MBOAT2: variants seen among roughly 807,000 people sequenced by gnomAD.
MBOAT2 encodes membrane-bound glycerophospholipid O-acyltransferase 2.
MBOAT2 carries 28 observed loss-of-function variants against 63.4 expected under a neutral mutation model. That is an observed-to-expected ratio of 0.44 (90% CI 0.33 to 0.61). MBOAT2 has a LOEUF of 0.61. Ranked by LOEUF, MBOAT2 falls within the 20% of genes least tolerant of loss-of-function variation. The pLI, the probability that MBOAT2 is intolerant of heterozygous loss-of-function variation, is 0.03. For missense variants in MBOAT2, 470 were observed against 605.8 expected, an observed-to-expected ratio of 0.78 and a Z score of 2.35; for synonymous variants, 211 against 215.6, an observed-to-expected ratio of 0.98 and a Z score of 0.19.
intron 1 of MBOAT2, among the ~76,000 whole-genome samples, chr2:8,993,576 A>C (rs1045651242): frequency 6.6e-6 from 1 of 152,140 alleles, no homozygotes; most frequent in Non-Finnish European, 1.5e-5. Flanking sequence ...GGAAAAGTGC[A>C]CAGTTCCCAG....
intron 2 of MBOAT2, among the ~76,000 whole-genome samples, chr2:8,953,812 C>G (rs575025640): frequency 2.9e-4 from 44 of 152,310 alleles, no homozygotes; most frequent in Non-Finnish European, 4.7e-4. Flanking sequence ...TTTATCTCTT[C>G]CTTCATTTCC....
intron 10 of MBOAT2, 25 bp downstream of exon 10, chr2:8,864,144 TA>T (rs752388403): frequency 6.6e-6 from 10 of 1,524,514 alleles, no homozygotes; most frequent in Non-Finnish European, 8.8e-6. Context: ...AAAGCACATC[TA>T]AAGATCGTTT....
chr2:8,913,655 C>T (rs778754749), intron 3 of MBOAT2, among the ~76,000 whole-genome samples: 1 of 152,018 alleles, frequency 6.6e-6, no homozygotes, highest in African/African-American at 2.4e-5. Context: ...CAAGAATGGT[C>T]ATAATTAAAA....
chr2:8,881,616 G>C (rs10181473), intron 6 of MBOAT2, among the ~76,000 whole-genome samples: 10,287 of 152,106 alleles, frequency 0.068, 377 homozygotes, highest in Middle Eastern at 0.096. Flanking sequence ...CTACTGGGAT[G>C]GCACAAGGGC....
intron 1 of MBOAT2, among the ~76,000 whole-genome samples, chr2:8,965,929 C>T (rs1222634344): frequency 6.6e-6 from 1 of 152,140 alleles, no homozygotes; most frequent in Non-Finnish European, 1.5e-5. Context: ...AAAGTGATTA[C>T]AATCTTCAAC....
chr2:8,859,644 T>A (rs1661351006), intron 12 of MBOAT2, among the ~76,000 whole-genome samples: 1 of 152,180 alleles, frequency 6.6e-6, no homozygotes, highest in Non-Finnish European at 1.5e-5. Flanking sequence ...TTCAATAATT[T>A]TTTTACGACT....
At chr2:8,880,380 G>A (rs1315274864) in intron 6 of MBOAT2, among the ~76,000 whole-genome samples, 1 of 152,218 alleles carries the variant, frequency 6.6e-6, no homozygotes, top group African/African-American at 2.4e-5. Flanking sequence ...ACTGCTATTA[G>A]CTAACTGGGT....
intron 2 of MBOAT2, among the ~76,000 whole-genome samples, chr2:8,957,448 A>T (rs1218774042): frequency 6.6e-6 from 1 of 152,246 alleles, no homozygotes; most frequent in Non-Finnish European, 1.5e-5. Context: ...GTAGAGACTG[A>T]ATAAATTATC....
At chr2:8,939,022 C>T (rs999519568) in intron 3 of MBOAT2, among the ~76,000 whole-genome samples, 30 of 152,216 alleles carry the variant, frequency 2.0e-4, no homozygotes, top group African/African-American at 6.3e-4. Context: ...TCCTGCCATA[C>T]TGAACTCCTT....
intron 8 of MBOAT2, among the ~76,000 whole-genome samples, chr2:8,871,603 T>C (rs979362746): frequency 1.3e-5 from 2 of 152,164 alleles, no homozygotes; most frequent in Non-Finnish European, 1.5e-5. Context: ...TTGGCTACAA[T>C]AAAAATGTTC....
chr2:8,994,487 C>T (rs1335603146), intron 1 of MBOAT2, among the ~76,000 whole-genome samples: 1 of 152,198 alleles, frequency 6.6e-6, no homozygotes, highest in Admixed American at 6.5e-5. Flanking sequence ...TTCTGCTGTA[C>T]AGAAACAGGA....
intron 1 of MBOAT2, among the ~76,000 whole-genome samples, chr2:8,961,558 G>C (rs1248501309): frequency 1.3e-5 from 2 of 151,234 alleles, no homozygotes; most frequent in African/African-American, 4.9e-5. Context: ...CACATCTACA[G>C]AGAAGCAGCA....
chr2:8,912,416 A>AAAGAAAGAAAGAAAGAAAGAAAGG (rs199665950), intron 3 of MBOAT2, among the ~76,000 whole-genome samples: 1 of 135,146 alleles, frequency 7.4e-6, no homozygotes, highest in African/African-American at 3.0e-5. Flanking sequence ...AGAAAGAAAG[A>AAAGAAAGAAAGAAAGAAAGAAAGG]CAGGCCGGCC....
chr2:9,002,430 T>A (rs62119997), intron 1 of MBOAT2, among the ~76,000 whole-genome samples: 3 of 152,206 alleles, frequency 2.0e-5, no homozygotes, highest in Admixed American at 6.5e-5. Flanking sequence ...GAATCCCGTA[T>A]TGAAGTGAAA....
intron 1 of MBOAT2, among the ~76,000 whole-genome samples, chr2:8,962,879 G>C (rs1371838821): frequency 6.6e-6 from 1 of 152,076 alleles, no homozygotes; most frequent in Non-Finnish European, 1.5e-5. Context: ...CATGGGATAT[G>C]TAACAAAGAG....
Position 8,858,667 on chromosome 2 carries a change from G to A in MBOAT2, c.*12C>T, listed in dbSNP as rs1283972892. On this transcript the variant is annotated 3_prime_UTR_variant, in exon 13 of 13. Coordinates refer to ENST00000305997, the MANE Select transcript of MBOAT2 (RefSeq NM_138799.4). ...CATCAAAAAAAAAAAACAGCCCTCA[G>A]AGCCTTCCCGATCACTGCTTTAGTG... 2.5e-6 allele frequency: 4 copies of A among 1,577,102 alleles called. No homozygotes were observed. The highest frequency in any genetic ancestry group is 3.5e-6 in the Non-Finnish European group (4 of 1,156,380).
chr2:8,920,925 A>G (rs938477162), intron 3 of MBOAT2, among the ~76,000 whole-genome samples: 5 of 152,108 alleles, frequency 3.3e-5, no homozygotes, highest in African/African-American at 1.2e-4. Context: ...GGCTATTCCA[A>G]CACTCATCTG....
At chr2:8,914,497 A>G (rs1666007885) in intron 3 of MBOAT2, among the ~76,000 whole-genome samples, 1 of 152,154 alleles carries the variant, frequency 6.6e-6, no homozygotes, top group East Asian at 1.9e-4. Context: ...AGGAAAAAAA[A>G]AAAAACAATG....
chr2:8,940,508 G>C (rs1667974649), intron 3 of MBOAT2, among the ~76,000 whole-genome samples: 1 of 152,114 alleles, frequency 6.6e-6, no homozygotes, highest in Non-Finnish European at 1.5e-5. Context: ...GGCCAGGCTG[G>C]TCTCAAACTC....
Sources: allele counts gnomAD v4.1 joint callset (sites outside exome capture counted in the v4.1 genomes callset), GRCh38; gene constraint gnomAD v4.1.1; transcripts MANE v1.5; gene names NCBI Gene and HGNC (gene_info 2026-07-23, HGNC 2026-07-21).